UGT1A7: variants seen among roughly 807,000 people sequenced by gnomAD.
The protein encoded by UGT1A7 is UDP glucuronosyltransferase family 1 member A7.
A neutral mutation model predicts 45.6 loss-of-function variants in UGT1A7; 33 were observed. The observed-to-expected ratio is 0.72, with a 90% confidence interval of 0.55 to 0.97. UGT1A7 has a LOEUF of 0.97. Among genes scored for constraint, UGT1A7 ranks in the 50% least tolerant of loss-of-function variants. The probability of loss-of-function intolerance (pLI) is 0.00; values close to 1 mark genes in which losing one functional copy is unlikely to be tolerated. For missense variants in UGT1A7, 684 were observed against 666.2 expected, an observed-to-expected ratio of 1.03 and a Z score of -0.29; for synonymous variants, 274 against 250.6, an observed-to-expected ratio of 1.09 and a Z score of -0.88.
At chr2:233,683,766 G>A (rs2074649939) in intron 1 of UGT1A7, among the ~76,000 whole-genome samples, 1 of 151,860 alleles carries the variant, frequency 6.6e-6, no homozygotes, top group African/African-American at 2.4e-5. Flanking sequence ...CATAATTAAT[G>A]TACTGCTTTG....
rs950198102 is a variant in UGT1A7 at position 233,769,900 on chromosome 2, C to G, written c.1295+1461C>G. ...TGAAAAGTCCACATAACCTGAGCAT[C>G]ATGTGCCCAGAGCGTTGGGTGGTGT... is the stretch of plus-strand genomic sequence containing the variant. On this transcript the variant is annotated intron_variant, in intron 4 of 4. Transcript: ENST00000373426. The surrounding 1 kb of genome is among the most constrained non-coding windows in gnomAD (Gnocchi z 4.4). 3.8e-5 allele frequency: 13 copies of G among 342,836 alleles called. No individual in the cohort carries two copies. The highest frequency in any genetic ancestry group is 6.8e-5 in the Non-Finnish European group (13 of 189,812). 21.2% of individuals were successfully genotyped at this position (342,836 alleles called of 1,614,324 possible). A position where few individuals can be genotyped will look rare whatever the true frequency, so the allele number is the denominator to read the frequency against.
intron 1 of UGT1A7, among the ~76,000 whole-genome samples, chr2:233,715,259 C>G (rs2076441984): frequency 6.6e-6 from 1 of 152,152 alleles, no homozygotes; most frequent in African/African-American, 2.4e-5. Context: ...AAAAAATCCC[C>G]TTACATAACA....
intron 1 of UGT1A7, among the ~76,000 whole-genome samples, chr2:233,716,167 C>T (rs747584906): frequency 6.6e-6 from 1 of 152,132 alleles, no homozygotes; most frequent in African/African-American, 2.4e-5. Flanking sequence ...AGATGCAGTG[C>T]AGCATCTTCA....
chr2:233,731,397 T>A (rs2078153818), intron 1 of UGT1A7, among the ~76,000 whole-genome samples: 1 of 152,046 alleles, frequency 6.6e-6, no homozygotes, highest in South Asian at 2.1e-4. Context: ...CAACTCGTCA[T>A]TTACATTAGG....
intron 1 of UGT1A7, among the ~76,000 whole-genome samples, chr2:233,745,353 A>T (rs1446464476): frequency 1.3e-5 from 2 of 151,782 alleles, no homozygotes; most frequent in African/African-American, 2.4e-5. Flanking sequence ...TTTTGGGGGA[A>T]TTTTTTTGAG....
At chr2:233,743,431 C>T (rs755334550) in intron 1 of UGT1A7, 17 of 1,354,320 alleles carry the variant, frequency 1.3e-5, no homozygotes, top group African/African-American at 1.5e-5. Context: ...GCCAAAGGAA[C>T]GAAATCCTGT....
intron 1 of UGT1A7, chr2:233,760,742 C>T: frequency 3.1e-6 from 5 of 1,614,166 alleles, no homozygotes; most frequent in Non-Finnish European, 4.2e-6. Context: ...CTGACGGACC[C>T]TTTCCTTCCT....
At chr2:233,684,145 C>A (rs1288847651) in intron 1 of UGT1A7, among the ~76,000 whole-genome samples, 1 of 152,164 alleles carries the variant, frequency 6.6e-6, no homozygotes, top group East Asian at 1.9e-4. Context: ...GACTTTGTAA[C>A]ACAGTCACAT....
chr2:233,747,514 T>C, intron 1 of UGT1A7: 2 of 1,607,704 alleles, frequency 1.2e-6, no homozygotes, highest in Non-Finnish European at 1.7e-6. Context: ...CAACTGTACT[T>C]TGAAACAGAA....
chr2:233,726,607 G>C (rs2077545440), intron 1 of UGT1A7, among the ~76,000 whole-genome samples: 1 of 152,126 alleles, frequency 6.6e-6, no homozygotes, highest in Non-Finnish European at 1.5e-5. Context: ...TGATTACACT[G>C]TCCTGCCCAG....
intron 1 of UGT1A7, chr2:233,743,038 A>G (rs968490640): frequency 1.2e-4 from 34 of 283,020 alleles, no homozygotes; most frequent in Non-Finnish European, 2.1e-5. Context: ...CAGAGGTCCT[A>G]TCCGTGTAGT....
At chr2:233,700,322 C>T (rs1432582141) in intron 1 of UGT1A7, among the ~76,000 whole-genome samples, 1 of 152,230 alleles carries the variant, frequency 6.6e-6, no homozygotes, top group Non-Finnish European at 1.5e-5. Context: ...CTTTAAAATT[C>T]TGCCTCTCTT....
At chr2:233,700,675 C>T (rs999893991) in intron 1 of UGT1A7, among the ~76,000 whole-genome samples, 6 of 151,936 alleles carry the variant, frequency 3.9e-5, no homozygotes, top group East Asian at 1.9e-4. Context: ...AGCACAAATT[C>T]GTGATAATAT....
At chr2:233,744,382 C>T (rs1464518756) in intron 1 of UGT1A7, among the ~76,000 whole-genome samples, 13 of 151,968 alleles carry the variant, frequency 8.6e-5, no homozygotes, top group Non-Finnish European at 1.3e-4. Flanking sequence ...AGTTCTCCAA[C>T]GTTCCAGCCC....
intron 1 of UGT1A7, among the ~76,000 whole-genome samples, chr2:233,728,649 T>C (rs1297115247): frequency 6.6e-6 from 1 of 152,186 alleles, no homozygotes; most frequent in Non-Finnish European, 1.5e-5. Flanking sequence ...GTATGGTTTT[T>C]GGATGCGCTG....
chr2:233,712,743 GT>G lies in UGT1A7; in HGVS notation c.855+29953del, dbSNP rs202230565. 8.9e-3 allele frequency among the ~76,000 whole-genome samples: 1,329 copies of G among 149,812 alleles called. 32 individuals are homozygous for G. The highest frequency in any genetic ancestry group is 0.03 in the African/African-American group (1,238 of 40,826). The stretch of plus-strand genomic sequence containing the variant: ...GAGAAACAAGAGCTTGAACTTGGAT[GT>G]TCCCCAGAGCGAGCGCAAGGTCAGA... On this transcript the variant is annotated intron_variant, in intron 1 of 4. Transcript: ENST00000373426.
chr2:233,696,584 C>A (rs1165044869), intron 1 of UGT1A7, among the ~76,000 whole-genome samples: 1 of 150,482 alleles, frequency 6.6e-6, no homozygotes, highest in Non-Finnish European at 1.5e-5. Context: ...AATTTGACTT[C>A]TTCCTTTCCA....
At chr2:233,689,322 A>T (rs1279672784) in intron 1 of UGT1A7, among the ~76,000 whole-genome samples, 1 of 152,264 alleles carries the variant, frequency 6.6e-6, no homozygotes, top group Non-Finnish European at 1.5e-5. Flanking sequence ...AAACATCTAC[A>T]CTGAGATTTG....
At position 233,760,496 on chromosome 2, in the gene UGT1A7, A is replaced by G. The variant is rs766949747; in HGVS notation, c.856-6538A>G. ...CCTGACGCCTCGTTGTACATCAGAG[A>G]CGGAGCATTTTACACCTTGAAGACG... On this transcript the variant is annotated intron_variant, in intron 1 of 4. Transcript: ENST00000373426. 4 of 1,614,258 alleles carry G rather than the reference A, an allele frequency of 2.5e-6. No homozygotes were observed. The South Asian group carries it at 4.4e-5, about 18-fold the overall frequency.
Sources: allele counts gnomAD v4.1 joint callset (sites outside exome capture counted in the v4.1 genomes callset), GRCh38; gene constraint gnomAD v4.1.1; non-coding constraint Gnocchi (gnomAD v3.1); transcripts MANE v1.5; gene names NCBI Gene and HGNC (gene_info 2026-07-23, HGNC 2026-07-21).